Variants in KDM1A observed in about 807,000 individuals in gnomAD.
KDM1A encodes lysine-specific histone demethylase 1A.
KDM1A carries 49 observed loss-of-function variants against 109.4 expected under a neutral mutation model. That is an observed-to-expected ratio of 0.45 (90% CI 0.36 to 0.57). The LOEUF (loss-of-function observed/expected upper bound fraction) is 0.57, where lower values mean the gene tolerates loss of function less well. Among genes scored for constraint, KDM1A ranks in the 20% least tolerant of loss-of-function variants. The probability of loss-of-function intolerance (pLI) is 0.00; values close to 1 mark genes in which losing one functional copy is unlikely to be tolerated. For synonymous variants in KDM1A, 380 were observed against 415.4 expected (o/e 0.91, Z 1.04); for missense variants, 668 against 1,116.6 (o/e 0.60, Z 5.73).
intron 18 of KDM1A, 29 bp from the exon 19 acceptor site, chr1:23,081,417 C>G: frequency 6.2e-7 from 1 of 1,612,876 alleles, no homozygotes; most frequent in African/African-American, 1.3e-5. Flanking sequence ...TGTAGGAAAA[C>G]CCTAGAATTA....
At position 23,069,066 on chromosome 1, in the gene KDM1A, A is replaced by G. The variant is rs1643233433; in HGVS notation, c.1328A>G (p.Gln443Arg). 6.2e-7 allele frequency: 1 copy of G among 1,606,962 alleles called. No homozygotes were observed. Among genetic ancestry groups the G allele is most frequent in the African/African-American group, 1.3e-5 (1 of 74,578 alleles). The stretch of plus-strand genomic sequence containing the variant: ...ATACATATTGTCTCTCTTAGGTTAC[A>G]AGAGAAGCATGTCAAAGATGAGCAG... Reference protein sequence around the residue: ...GQALEVVIQLQEKHVKDEQIE... With the variant: ...GQALEVVIQLREKHVKDEQIE... Residue 443 changes from glutamine to arginine, a missense_variant, in exon 12 of 21, where the codon CAA (glutamine) becomes CGA (arginine). Gln to Arg is a conservative substitution (Grantham distance 43, BLOSUM62 1). This residue lies in a region of KDM1A where 62 missense variants were observed against 82.8 expected (regional missense o/e 0.75). Coordinates refer to ENST00000400181, the MANE Select transcript of KDM1A (RefSeq NM_001009999.3).
At chr1:23,052,226 A>G (rs1033479737) in intron 4 of KDM1A, among the ~76,000 whole-genome samples, 2 of 152,210 alleles carry the variant, frequency 1.3e-5, no homozygotes, top group Admixed American at 1.3e-4. Context: ...ATCAACCTCT[A>G]CTGCAAGAAT....
intron 14 of KDM1A, among the ~76,000 whole-genome samples, chr1:23,072,405 G>A (rs962713928): frequency 6.6e-6 from 1 of 152,158 alleles, no homozygotes; most frequent in Admixed American, 6.5e-5. Flanking sequence ...TAAACAGATT[G>A]TTTCTAAAGA....
At position 23,055,974 on chromosome 1, in the gene KDM1A, C is replaced by T. The variant is rs1272749711; in HGVS notation, c.926C>T (p.Ser309Leu). Residue 309 changes from serine (S) to leucine (L), a missense_variant, in exon 7 of 21, where the codon TCA (serine) becomes TTA (leucine). Ser to Leu is a moderately radical substitution (Grantham distance 145). Transcript: ENST00000400181. ...GKVIIIGSGV[S>L]GLAAARQLQS... ...GTAATTATTATAGGCTCTGGGGTCT[C>T]AGGCTTGGCAGCAGCTCGACAGTTA... 6.2e-7 allele frequency: 1 copy of T among 1,612,902 alleles called. No homozygotes were observed. Among genetic ancestry groups the T allele is most frequent in the Admixed American group, 1.7e-5 (1 of 59,960 alleles).
At chr1:23,066,017 G>A in intron 9 of KDM1A, 43 bp from the exon 10 acceptor site, 2 of 1,605,258 alleles carry the variant, frequency 1.2e-6, no homozygotes, top group Non-Finnish European at 1.7e-6. Context: ...CTGTTGGGCT[G>A]TTATTTACAG....
intron 10 of KDM1A, 32 bp downstream of exon 10, chr1:23,066,103 CCTCA>C (rs1476621785): frequency 1.4e-6 from 2 of 1,447,104 alleles, no homozygotes; most frequent in Non-Finnish European, 1.9e-6. Flanking sequence ...AAATCATTTT[CCTCA>C]CTGTTTACAA....
chr1:23,069,782 C>T (rs918035944), intron 12 of KDM1A, among the ~76,000 whole-genome samples: 12 of 152,222 alleles, frequency 7.9e-5, no homozygotes, highest in African/African-American at 2.2e-4. Flanking sequence ...AGGGCTGAAC[C>T]GTTAGGGCTC....
At chr1:23,078,512 C>T (rs1314268427) in intron 16 of KDM1A, among the ~76,000 whole-genome samples, 4 of 152,222 alleles carry the variant, frequency 2.6e-5, no homozygotes, top group Admixed American at 6.5e-5. Flanking sequence ...ACTGTGCATT[C>T]TCAAGCATAG....
chr1:23,025,178 T>C (rs1641756968), intron 1 of KDM1A, among the ~76,000 whole-genome samples: 1 of 152,190 alleles, frequency 6.6e-6, no homozygotes, highest in Admixed American at 6.5e-5. Flanking sequence ...AGCTACATTA[T>C]AAGTGCTCAA....
At chr1:23,048,484 T>C (rs549614092) in intron 3 of KDM1A, among the ~76,000 whole-genome samples, 2 of 152,298 alleles carry the variant, frequency 1.3e-5, no homozygotes, top group Non-Finnish European at 2.9e-5. Context: ...ATTTTGGGTA[T>C]GGATTAGTTA....
intron 1 of KDM1A, among the ~76,000 whole-genome samples, chr1:23,025,280 T>C (rs890095624): frequency 6.6e-6 from 1 of 152,136 alleles, no homozygotes; most frequent in African/African-American, 2.4e-5. Context: ...TTGAACTAGA[T>C]TATGAAGTGC....
intron 1 of KDM1A, among the ~76,000 whole-genome samples, chr1:23,026,483 C>T (rs374847095): frequency 2.6e-5 from 4 of 151,454 alleles, no homozygotes; most frequent in East Asian, 1.9e-4. Context: ...TTGACCTCCC[C>T]GGTTCAAGTG....
chr1:23,065,931 A>G (rs1192477449), intron 9 of KDM1A, 129 bp from the exon 10 acceptor site: 9 of 1,304,668 alleles, frequency 6.9e-6, no homozygotes, highest in Middle Eastern at 1.9e-4. Flanking sequence ...CTTCTGAGCT[A>G]ACAGAATGCT....
At chr1:23,035,645 G>A (rs778812716) in intron 2 of KDM1A, among the ~76,000 whole-genome samples, 8 of 152,170 alleles carry the variant, frequency 5.3e-5, no homozygotes, top group Non-Finnish European at 1.0e-4. Flanking sequence ...TACCTAAAAG[G>A]TGATGTTAAC....
intron 9 of KDM1A, among the ~76,000 whole-genome samples, chr1:23,063,311 C>T: frequency 6.7e-6 from 1 of 149,346 alleles, no homozygotes; most frequent in Non-Finnish European, 1.5e-5. Flanking sequence ...GCCTTGATTG[C>T]TTCTTGAGAA....
chr1:23,047,321 TGA>T (rs973096869), intron 3 of KDM1A, among the ~76,000 whole-genome samples: 18 of 152,276 alleles, frequency 1.2e-4, no homozygotes, highest in African/African-American at 4.3e-4. Context: ...AAATAATTAT[TGA>T]GAGTTTTTAG....
At chr1:23,026,896 C>T (rs1327817386) in intron 1 of KDM1A, among the ~76,000 whole-genome samples, 1 of 152,140 alleles carries the variant, frequency 6.6e-6, no homozygotes, top group Non-Finnish European at 1.5e-5. Context: ...TCTCTGAAGT[C>T]TTTGGGGTTT....
chr1:23,042,605 A>G (rs963165322), intron 2 of KDM1A, among the ~76,000 whole-genome samples: 1 of 149,766 alleles, frequency 6.7e-6, no homozygotes, highest in Non-Finnish European at 1.5e-5. Context: ...GGCGCCCGCC[A>G]CTACTCCCGG....
chr1:23,037,129 T>TATATAC (rs112388712), intron 2 of KDM1A, among the ~76,000 whole-genome samples: 29 of 147,734 alleles, frequency 2.0e-4, no homozygotes, highest in African/African-American at 7.0e-4. Flanking sequence ...AAAATATATA[T>TATATAC]ACACACACAC....
Sources: allele counts gnomAD v4.1 joint callset (sites outside exome capture counted in the v4.1 genomes callset), GRCh38; gene constraint gnomAD v4.1.1; regional missense constraint gnomAD v4.1.1; transcripts MANE v1.5; gene names NCBI Gene and HGNC (gene_info 2026-07-23, HGNC 2026-07-21).